LRRC8D: variants seen among roughly 807,000 people sequenced by gnomAD.
LRRC8D encodes the protein volume-regulated anion channel subunit LRRC8D.
In LRRC8D, 20 loss-of-function variants were observed where a neutral mutation model predicts 55.8. That is an observed-to-expected ratio of 0.36 (90% confidence interval 0.25 to 0.52). LRRC8D has a LOEUF of 0.52. Ranked by LOEUF, LRRC8D falls within the 20% of genes least tolerant of loss-of-function variation. The probability of loss-of-function intolerance (pLI) is 0.93; values close to 1 mark genes in which losing one functional copy is unlikely to be tolerated. For missense variants in LRRC8D, 651 were observed against 1,030.8 expected (o/e 0.63, Z 5.05); for synonymous variants, 352 against 377.0 (o/e 0.93, Z 0.77).
intron 2 of LRRC8D, among the ~76,000 whole-genome samples, chr1:89,873,130 A>G (rs1024578633): frequency 3.9e-5 from 6 of 152,172 alleles, no homozygotes; most frequent in Admixed American, 3.9e-4. Flanking sequence ...GTAATTGTAC[A>G]GGGGAGAGAT....
intron 1 of LRRC8D, among the ~76,000 whole-genome samples, chr1:89,834,496 A>G (rs6662766): frequency 0.98 from 148,657 of 152,356 alleles, 72,619 homozygotes; most frequent in Middle Eastern, 1. Context: ...TACAGTGCTA[A>G]TAACTAGCAG....
chr1:89,882,650 GT>G (rs1458418335), intron 2 of LRRC8D, among the ~76,000 whole-genome samples: 11 of 152,328 alleles, frequency 7.2e-5, no homozygotes, highest in African/African-American at 2.4e-4. Flanking sequence ...CAAACTCCAA[GT>G]GTTTTTGTAT....
intron 2 of LRRC8D, among the ~76,000 whole-genome samples, chr1:89,854,351 T>C (rs1390941752): frequency 6.6e-6 from 1 of 151,408 alleles, no homozygotes; most frequent in South Asian, 2.1e-4. Context: ...AGTTGTAGTT[T>C]TGTCAGTGGT....
chr1:89,838,194 C>CT (rs1436496264), intron 1 of LRRC8D, among the ~76,000 whole-genome samples: 299 of 29,890 alleles, frequency 0.01, 1 homozygote, highest in African/African-American at 0.021. Context: ...ACCCCTGTCC[C>CT]TTAAAAAAAA....
chr1:89,845,991 G>T (rs372468301), intron 2 of LRRC8D, among the ~76,000 whole-genome samples: 4 of 152,162 alleles, frequency 2.6e-5, no homozygotes, highest in African/African-American at 9.6e-5. Flanking sequence ...ATGTTGGTCA[G>T]ACTGGTCTAG....
chr1:89,918,073 G>A (rs1222878657), intron 2 of LRRC8D, among the ~76,000 whole-genome samples: 6 of 152,192 alleles, frequency 3.9e-5, no homozygotes, highest in Non-Finnish European at 7.3e-5. Flanking sequence ...GAATAAATGA[G>A]CAAATGAATA....
chr1:89,822,344 G>C (rs1445483226), intron 1 of LRRC8D, among the ~76,000 whole-genome samples: 1 of 152,140 alleles, frequency 6.6e-6, no homozygotes, highest in South Asian at 2.1e-4. Flanking sequence ...ATGGGGAATA[G>C]GTACTGGGGA....
intron 1 of LRRC8D, among the ~76,000 whole-genome samples, chr1:89,830,718 G>A (rs996989228): frequency 2.0e-5 from 3 of 152,124 alleles, no homozygotes; most frequent in African/African-American, 7.2e-5. Context: ...TTCACTGTAA[G>A]CCAGAAATCT....
chr1:89,824,918 G>T (rs1047011383), intron 1 of LRRC8D, among the ~76,000 whole-genome samples: 2 of 152,138 alleles, frequency 1.3e-5, no homozygotes, highest in African/African-American at 2.4e-5. Flanking sequence ...ATTTTCTTAG[G>T]CAGTGCCGAG....
At chr1:89,917,150 A>G (rs1455831856) in intron 2 of LRRC8D, among the ~76,000 whole-genome samples, 3 of 152,210 alleles carry the variant, frequency 2.0e-5, no homozygotes, top group Admixed American at 1.3e-4. Context: ...TTGTGTTTAA[A>G]TTATTCCATC....
At chr1:89,847,911 G>T (rs928451549) in intron 2 of LRRC8D, among the ~76,000 whole-genome samples, 4 of 152,154 alleles carry the variant, frequency 2.6e-5, no homozygotes, top group African/African-American at 9.7e-5. Context: ...TATGAGGTAG[G>T]GATTCAGCCT....
intron 2 of LRRC8D, among the ~76,000 whole-genome samples, chr1:89,912,528 T>C (rs1239874971): frequency 6.6e-6 from 1 of 151,912 alleles, no homozygotes; most frequent in Non-Finnish European, 1.5e-5. Flanking sequence ...TACCTGCCTC[T>C]ATAGAACTCC....
intron 2 of LRRC8D, among the ~76,000 whole-genome samples, chr1:89,858,469 T>A (rs1037057606): frequency 7.2e-5 from 11 of 152,160 alleles, no homozygotes; most frequent in African/African-American, 2.7e-4. Context: ...AATTATATCT[T>A]CTGAAGTTTT....
At chr1:89,917,332 A>C (rs575396664) in intron 2 of LRRC8D, among the ~76,000 whole-genome samples, 1 of 152,164 alleles carries the variant, frequency 6.6e-6, no homozygotes, top group African/African-American at 2.4e-5. Flanking sequence ...TTCCCTCACT[A>C]ATCTGTATGC....
In LRRC8D at chr1:89,911,407, G is replaced by A. The variant is rs1663130269; in HGVS notation, c.-2-21660G>A. ...AATTCCTTAATCTCTGTAGTTTTAT[G>A]AAGTCATAGCAACATGCCGCATACT... is the stretch of plus-strand genomic sequence containing the variant. On this transcript the variant is annotated intron_variant, in intron 2 of 2. Transcript: ENST00000337338. The surrounding 1 kb of genome is among the most constrained non-coding windows in gnomAD (Gnocchi z 4.0). Among the ~76,000 whole-genome samples the A allele has an allele frequency of 1.3e-5, 2 of 152,148 alleles. No homozygotes were observed. The highest frequency in any genetic ancestry group is 2.9e-5 in the Non-Finnish European group (2 of 68,024).
chr1:89,930,522 T>C (rs780303396), intron 2 of LRRC8D, among the ~76,000 whole-genome samples: 1 of 152,068 alleles, frequency 6.6e-6, no homozygotes, highest in African/African-American at 2.4e-5. Context: ...ATGCAGTCCA[T>C]TGTTGACCAA....
intron 2 of LRRC8D, among the ~76,000 whole-genome samples, chr1:89,926,665 AG>A (rs1663572825): frequency 6.6e-6 from 1 of 152,226 alleles, no homozygotes; most frequent in African/African-American, 2.4e-5. Context: ...AGGTCATTTA[AG>A]CTTTTTGAGC....
At chr1:89,878,497 G>T (rs1046855468) in intron 2 of LRRC8D, among the ~76,000 whole-genome samples, 3 of 152,172 alleles carry the variant, frequency 2.0e-5, no homozygotes, top group African/African-American at 7.2e-5. Context: ...TCTAATTCTG[G>T]ATTGTGTTTG....
In LRRC8D at chr1:89,825,042, TTTG is replaced by T. The variant is rs754222259; in HGVS notation, c.-148+3763_-148+3765del. ...GGCAGATTTTTTTGGAGAAGTTTTT[TTTG>T]TTGTTGTTGTTCCTTCTCAATGTTA... On this transcript the variant is annotated intron_variant, in intron 1 of 2. Transcript: ENST00000337338. Among the ~76,000 whole-genome samples the T allele has an allele frequency of 2.8e-4, 42 of 152,320 alleles. No homozygotes were observed. The East Asian group carries it at 6.9e-3, about 25-fold the overall frequency.
Sources: allele counts gnomAD v4.1 joint callset (sites outside exome capture counted in the v4.1 genomes callset), GRCh38; gene constraint gnomAD v4.1.1; non-coding constraint Gnocchi (gnomAD v3.1); transcripts MANE v1.5; gene names NCBI Gene and HGNC (gene_info 2026-07-23, HGNC 2026-07-21).